Variants in GNPTAB observed in about 807,000 individuals in gnomAD.
GNPTAB encodes the protein N-acetylglucosamine-1-phosphate transferase subunits alpha and beta.
A neutral mutation model predicts 136.6 loss-of-function variants in GNPTAB; 92 were observed. That is an observed-to-expected ratio of 0.67 (90% CI 0.57 to 0.80). The LOEUF (loss-of-function observed/expected upper bound fraction) is 0.80, where lower values mean the gene tolerates loss of function less well. Ranked by LOEUF, GNPTAB falls within the 30% of genes least tolerant of loss-of-function variation. GNPTAB has a pLI of 0.00. For missense variants in GNPTAB, 1,343 were observed against 1,501.8 expected (o/e 0.89, Z 1.75); for synonymous variants, 512 against 535.1 (o/e 0.96, Z 0.60).
At chr12:101,773,362 C>T (rs963044525) in intron 7 of GNPTAB, 2 of 301,678 alleles carry the variant, frequency 6.6e-6, no homozygotes, top group Non-Finnish European at 1.3e-5. Context: ...GCAGAATGCT[C>T]GGATCCTGCT....
At chr12:101,750,980 T>C (rs1308605018) in intron 19 of GNPTAB, among the ~76,000 whole-genome samples, 1 of 152,092 alleles carries the variant, frequency 6.6e-6, no homozygotes, top group Non-Finnish European at 1.5e-5. Context: ...TGCCTCCAGT[T>C]CCCAGGCAAC....
At chr12:101,810,432 TACACACACACACAC>T (rs71438442) in intron 1 of GNPTAB, 1 of 107,498 alleles carries the variant, frequency 9.3e-6, no homozygotes, top group African/African-American at 3.8e-5. Context: ...TACACACACA[TACACACACACACAC>T]ACACACACAC....
intron 1 of GNPTAB, among the ~76,000 whole-genome samples, chr12:101,820,613 G>A (rs993563550): frequency 1.1e-4 from 16 of 152,144 alleles, no homozygotes; most frequent in African/African-American, 3.6e-4. Context: ...CCCATGCCAT[G>A]CCCCAGCTGT....
At chr12:101,748,703 G>A (rs989269199) in intron 20 of GNPTAB, among the ~76,000 whole-genome samples, 1 of 152,178 alleles carries the variant, frequency 6.6e-6, no homozygotes, top group African/African-American at 2.4e-5. Context: ...CAACGGAACC[G>A]TGGGATGTCT....
At chr12:101,807,214 T>C (rs180934259) in intron 1 of GNPTAB, among the ~76,000 whole-genome samples, 19 of 152,330 alleles carry the variant, frequency 1.2e-4, no homozygotes, top group Admixed American at 1.2e-3. Flanking sequence ...AGAAAAAGCA[T>C]TTGACAATCC....
intron 5 of GNPTAB, among the ~76,000 whole-genome samples, chr12:101,781,293 T>G (rs189824833): frequency 6.6e-6 from 1 of 152,300 alleles, no homozygotes; most frequent in Non-Finnish European, 1.5e-5. Flanking sequence ...AATTCTGATC[T>G]TCAAGATAAA....
chr12:101,758,259 G>A (rs1439082131), intron 16 of GNPTAB, among the ~76,000 whole-genome samples: 2 of 152,102 alleles, frequency 1.3e-5, no homozygotes, highest in Admixed American at 6.5e-5. Flanking sequence ...GGCTGGTCTC[G>A]AACTCCTGAC....
chr12:101,798,947 C>A (rs1238596843), intron 1 of GNPTAB, among the ~76,000 whole-genome samples: 3 of 152,036 alleles, frequency 2.0e-5, no homozygotes, highest in Non-Finnish European at 4.4e-5. Context: ...CATGTCATTA[C>A]AAGAAAAAGT....
In GNPTAB at chr12:101,764,274, C is replaced by T; in HGVS notation, c.2643G>A (p.Leu881=). The T allele has an allele frequency of 6.2e-7, 1 of 1,613,946 alleles. No individual in the cohort carries two copies. Among genetic ancestry groups the T allele is most frequent in the South Asian group, 1.1e-5 (1 of 91,060 alleles). ...CCAAGTAACTATCTGTGTAATGCTGCAGCTTTCTTCCAAGTAACACTTCAG... is the reference window on the plus strand; with the variant it reads ...CCAAGTAACTATCTGTGTAATGCTGTAGCTTTCTTCCAAGTAACACTTCAG... The part of the protein sequence containing the change: ...GVTEVLLGRK[L]QHYTDSYLGF... The change falls in exon 13 of 21, where the codon CTG becomes CTA. Residue 881 remains leucine, a synonymous_variant. Coordinates refer to ENST00000299314, the MANE Select transcript of GNPTAB (RefSeq NM_024312.5).
intron 7 of GNPTAB, chr12:101,773,236 C>T: frequency 4.7e-6 from 1 of 212,740 alleles, no homozygotes; most frequent in South Asian, 5.2e-5. Flanking sequence ...TTCTTACTAC[C>T]TGTTTTTAAT....
In GNPTAB at chr12:101,770,429, G is replaced by A. The variant is rs200646278; in HGVS notation, c.1090C>T (p.Arg364Ter). The change falls in exon 9 of 21, where the codon CGA becomes TGA. Residue 364 changes from arginine (R) to a stop codon, truncating the protein, a stop_gained. Coordinates refer to ENST00000299314, the MANE Select transcript of GNPTAB (RefSeq NM_024312.5). LOFTEE classifies it high-confidence loss of function. ...IPSWLNLDNP[R>*]VTIVTHQDVF... is the part of the protein sequence containing the mutation. ...ACCTGGTGTGTTACTATTGTCACTC[G>A]AGGATTGTCAAGGTTCAGCCAGGAT... 3.1e-6 allele frequency: 5 copies of A among 1,613,094 alleles called. No individual in the cohort carries two copies. The highest frequency in any genetic ancestry group is 2.2e-5 in the East Asian group (1 of 44,892).
chr12:101,798,181 T>G (rs1172347285), intron 1 of GNPTAB, among the ~76,000 whole-genome samples: 1 of 151,252 alleles, frequency 6.6e-6, no homozygotes, highest in African/African-American at 2.4e-5. Context: ...CAAGTATTCA[T>G]AGCAGTTGCC....
intron 7 of GNPTAB, among the ~76,000 whole-genome samples, chr12:101,777,237 G>A (rs140402910): frequency 2.0e-5 from 3 of 152,278 alleles, no homozygotes; most frequent in East Asian, 1.9e-4. Context: ...GCATGGGAAC[G>A]TCTTACTGGG....
At chr12:101,760,412 C>A (rs1952975500) in intron 15 of GNPTAB, among the ~76,000 whole-genome samples, 1 of 152,114 alleles carries the variant, frequency 6.6e-6, no homozygotes, top group South Asian at 2.1e-4. Context: ...AGAAATCATG[C>A]CCTGCAGCTA....
intron 4 of GNPTAB, 71 bp from the exon 5 acceptor site, chr12:101,786,288 C>A: frequency 9.6e-6 from 12 of 1,254,088 alleles, no homozygotes; most frequent in Non-Finnish European, 1.3e-5. Flanking sequence ...GCTTGTCATA[C>A]TACTAAATTT....
At position 101,780,153 on chromosome 12, in the gene GNPTAB, A is replaced by G; in HGVS notation, c.770T>C (p.Leu257Pro). 6.2e-7 allele frequency: 1 copy of G among 1,612,948 alleles called. No individual in the cohort carries two copies. Residue 257 changes from leucine (L) to proline (P), a missense_variant and splice_region_variant, in exon 7 of 21, where the codon CTG becomes CCG. By Grantham distance (98) the Leu-to-Pro change is moderately conservative. Transcript: ENST00000299314. ...TTGCTCTATTTTCTATGTTCTTACC[A>G]GTTTGACTTTAGAGGAAAGATTTTC... ...LPENLSSKVK[L>P]LQLYSEASVA...
At chr12:101,788,435 A>G (rs1868792963) in intron 4 of GNPTAB, 113 bp downstream of exon 4, 1 of 757,654 alleles carries the variant, frequency 1.3e-6, no homozygotes, top group African/African-American at 1.8e-5. Context: ...GGGGTCAAAA[A>G]CTATATGGAT....
In GNPTAB at chr12:101,793,435, T is replaced by A. The variant is rs189560446; in HGVS notation, c.203+3242A>T. Among the ~76,000 whole-genome samples the A allele has an allele frequency of 1.5e-3, 222 of 152,318 alleles. 7 individuals carry two copies. The East Asian group carries it at 0.036, about 25-fold the overall frequency. Reference sequence around the variant, plus strand: ...AATATTTTTAATATATCATTTATATTATATTATTTAGCTGATTAAAACATA... The same window carrying A: ...AATATTTTTAATATATCATTTATATAATATTATTTAGCTGATTAAAACATA... On this transcript the variant is annotated intron_variant, in intron 2 of 20. Coordinates refer to ENST00000299314, the MANE Select transcript of GNPTAB (RefSeq NM_024312.5).
chr12:101,772,311 ACAAAG>A (rs1953188692), intron 7 of GNPTAB, among the ~76,000 whole-genome samples: 2 of 152,204 alleles, frequency 1.3e-5, no homozygotes, highest in Non-Finnish European at 2.9e-5. Context: ...AATCTATAAA[ACAAAG>A]CAAACACAAA....
Sources: gnomAD v4.1 joint callset for allele counts (sites outside exome capture counted in the v4.1 genomes callset) on GRCh38, gnomAD v4.1.1 for gene constraint, MANE v1.5 for transcripts, NCBI Gene and HGNC (gene_info 2026-07-23, HGNC 2026-07-21) for gene names.